AGXT: variants seen among roughly 807,000 people sequenced by gnomAD.
AGXT encodes the protein alanine--glyoxylate aminotransferase, also known as L-alanine: glyoxylate aminotransferase 1.
AGXT carries 41 observed loss-of-function variants against 46.9 expected under a neutral mutation model. The ratio of observed to expected loss-of-function variants is 0.88; its 90% CI spans 0.68 to 1.14. The LOEUF is 1.14. Ranked by LOEUF, AGXT falls within the 50% of genes most tolerant of loss-of-function variation. AGXT has a pLI of 0.00. For synonymous variants in AGXT, 244 were observed against 227.9 expected, an observed-to-expected ratio of 1.07 and a Z score of -0.64; for missense variants, 525 against 522.7, an observed-to-expected ratio of 1.00 and a Z score of -0.04.
chr2:240,872,724 C>T (rs2058998885), intron 4 of AGXT, among the ~76,000 whole-genome samples: 1 of 152,078 alleles, frequency 6.6e-6, no homozygotes, highest in African/African-American at 2.4e-5. Context: ...CTGGGTCTCA[C>T]CAGGGCCGTG....
chr2:240,870,792 C>A, intron 3 of AGXT, 84 bp downstream of exon 3: 1 of 1,363,108 alleles, frequency 7.3e-7, no homozygotes, highest in Non-Finnish European at 1.0e-6. Flanking sequence ...ATTGGCCAGC[C>A]AGCAGGGTGG....
intron 7 of AGXT, among the ~76,000 whole-genome samples, chr2:240,875,407 C>T (rs1178347880): frequency 6.6e-6 from 1 of 152,240 alleles, no homozygotes; most frequent in East Asian, 1.9e-4. Flanking sequence ...GCCCGAGGCT[C>T]TGGGCAGGGT....
At chr2:240,872,865 G>T in intron 4 of AGXT, 114 bp from the exon 5 acceptor site, 2 of 908,506 alleles carry the variant, frequency 2.2e-6, no homozygotes, top group African/African-American at 1.6e-5. Flanking sequence ...GGTGGGAGGT[G>T]CCCTGCCTTC....
chr2:240,874,320 A>T (rs2059010777), intron 6 of AGXT, among the ~76,000 whole-genome samples: 1 of 152,180 alleles, frequency 6.6e-6, no homozygotes, highest in African/African-American at 2.4e-5. Context: ...CACAGCAAGG[A>T]GTGACCAGGA....
rs115057148 is a variant in AGXT at position 240,878,055 on chromosome 2, G to A, written c.976G>A (p.Val326Ile). 1,104 of 1,612,930 alleles carry A rather than the reference G, an allele frequency of 6.8e-4. 4 individuals carry two copies. In the African/African-American group the frequency reaches 0.013, roughly 19 times the overall value. ...LRLPTVTTVA[V>I]PAGYDWRDIV... is the part of the protein sequence containing the mutation. ...GCTTCCCACAGTCACCACTGTGGCT[G>A]TACCCGCTGGCTATGACTGGAGAGA... The change falls in exon 10 of 11, where the codon GTA becomes ATA. Residue 326 changes from valine to isoleucine, a missense_variant. Val to Ile is a conservative substitution (Grantham distance 29). Coordinates refer to ENST00000307503, the MANE Select transcript of AGXT (RefSeq NM_000030.3).
chr2:240,877,530 C>T lies in AGXT; in HGVS notation c.847-7C>T, dbSNP rs1276010178. On this transcript the variant is annotated splice_region_variant and splice_polypyrimidine_tract_variant and intron_variant, in intron 8 of 10. Coordinates refer to ENST00000307503, the MANE Select transcript of AGXT (RefSeq NM_000030.3). Reference sequence around the variant, plus strand: ...GTCACTGCCCACCAGCGCCATCTCCCACACAGGGCCTGGAGAACAGCTGGC... The same window carrying T: ...GTCACTGCCCACCAGCGCCATCTCCTACACAGGGCCTGGAGAACAGCTGGC... 1 of 1,545,298 alleles carries T rather than the reference C, an allele frequency of 6.5e-7. No homozygotes were observed. The highest frequency in any genetic ancestry group is 8.7e-7 in the Non-Finnish European group (1 of 1,143,286).
intron 7 of AGXT, 90 bp downstream of exon 7, chr2:240,875,294 A>G: frequency 8.7e-7 from 1 of 1,149,062 alleles, no homozygotes; most frequent in Non-Finnish European, 1.3e-6. Context: ...GGGATTCTCC[A>G]AGCCCCCCAC....
rs567711382 is a variant in AGXT at position 240,870,469 on chromosome 2, C to G, written c.359-175C>G. 2.0e-5 allele frequency among the ~76,000 whole-genome samples: 3 copies of G among 152,292 alleles called. No individual in the cohort carries two copies. The East Asian group carries it at 5.8e-4, about 30-fold the overall frequency. On this transcript the variant is annotated intron_variant, in intron 2 of 10. Transcript: ENST00000307503. ...GGGTCAAGATGGCCCTGGCTCTACA[C>G]ACAGAGAGGCTCTCATTGGGCAGAG...
At chr2:240,869,531 G>A (rs1477387253) in intron 2 of AGXT, among the ~76,000 whole-genome samples, 169 bp downstream of exon 2, 2 of 152,176 alleles carry the variant, frequency 1.3e-5, no homozygotes, top group East Asian at 1.9e-4. Context: ...AGGCGGTGTC[G>A]GGCACTCATG....
rs12997245 is a variant in AGXT, at chr2:240,873,149, G to A, written c.595+100G>A. On this transcript the variant is annotated intron_variant, in intron 5 of 10. Transcript: ENST00000307503. ...GCGTGCGTCCAGCAGCCGATGCTGC[G>A]GATTCGGCCCCATCTCCACCAGGCC... The A allele has an allele frequency of 0.36, 384,799 of 1,063,922 alleles. 71,167 individuals are homozygous for A. Among genetic ancestry groups the A allele is most frequent in the Non-Finnish European group, 0.39 (271,980 of 702,692 alleles). 65.9% of individuals were successfully genotyped at this position (1,063,922 alleles called of 1,614,324 possible). A position where few individuals can be genotyped will look rare whatever the true frequency, so the allele number is the denominator to read the frequency against.
chr2:240,869,375 C>T lies in AGXT; in HGVS notation c.358+13C>T, dbSNP rs34995778. 283,690 of 1,565,884 alleles carry T rather than the reference C, an allele frequency of 0.18. 28,390 individuals carry two copies. Among genetic ancestry groups the T allele is most frequent in the Non-Finnish European group, 0.21 (237,408 of 1,153,896 alleles). On this transcript the variant is annotated intron_variant, in intron 2 of 10. Transcript: ENST00000307503. Reference sequence around the variant, plus strand: ...GGGGAGCGCATAGGTAAGGGAGAGGCCCAGGTGGGGATGGCCCTGGATCCA... The same window carrying T: ...GGGGAGCGCATAGGTAAGGGAGAGGTCCAGGTGGGGATGGCCCTGGATCCA...
At chr2:240,873,593 C>T (rs1037957933) in intron 5 of AGXT, 7 of 311,016 alleles carry the variant, frequency 2.3e-5, no homozygotes, top group African/African-American at 1.5e-4. Flanking sequence ...TCCATGGGAG[C>T]CTGTCTGTTT....
chr2:240,876,089 G>A, intron 8 of AGXT, 85 bp downstream of exon 8: 1 of 1,470,590 alleles, frequency 6.8e-7, no homozygotes, highest in Non-Finnish European at 9.4e-7. Context: ...AACCATCCCT[G>A]GTGCACAGAG....
chr2:240,869,255 G>C lies in AGXT; in HGVS notation c.251G>C (p.Cys84Ser). The C allele has an allele frequency of 6.2e-7, 1 of 1,613,874 alleles. No homozygotes were observed. Among genetic ancestry groups the C allele is most frequent in the Non-Finnish European group, 8.5e-7 (1 of 1,180,026 alleles). ...CTGGTCATCTCTGGCTCGGGACACT[G>C]TGCCCTGGAGGCCGCCCTGGTCAAT... The part of the protein sequence containing the change: ...LTLVISGSGH[C>S]ALEAALVNVL... Residue 84 changes from cysteine to serine, a missense_variant, in exon 2 of 11, where the codon TGT (cysteine) becomes TCT (serine). Cys to Ser is a moderately radical substitution (Grantham distance 112). Transcript: ENST00000307503.
At chr2:240,870,801 G>A (rs912550522) in intron 3 of AGXT, 93 bp downstream of exon 3, 13 of 1,284,530 alleles carry the variant, frequency 1.0e-5, no homozygotes, top group Non-Finnish European at 1.2e-5. Flanking sequence ...CCAGCAGGGT[G>A]GGATCATGGC....
chr2:240,876,029 G>A, intron 8 of AGXT, 25 bp downstream of exon 8: 2 of 1,612,316 alleles, frequency 1.2e-6, no homozygotes, highest in Non-Finnish European at 1.7e-6. Context: ...CTCCACAGGA[G>A]GAGACAGGGC....
intron 10 of AGXT, among the ~76,000 whole-genome samples, chr2:240,878,393 T>C (rs753948984): frequency 4.7e-4 from 72 of 152,200 alleles, no homozygotes; most frequent in African/African-American, 1.4e-3. Flanking sequence ...ACATCCTTCC[T>C]TCCCTCTGAC....
intron 4 of AGXT, among the ~76,000 whole-genome samples, chr2:240,872,105 G>A (rs1328878273): frequency 1.3e-5 from 2 of 152,242 alleles, no homozygotes; most frequent in Non-Finnish European, 2.9e-5. Context: ...GATACTTTCT[G>A]TGTCTCTTTT....
At chr2:240,878,660 G>T (rs1225423817) in intron 10 of AGXT, 54 bp from the exon 11 acceptor site, 4 of 1,504,988 alleles carry the variant, frequency 2.7e-6, no homozygotes, top group Non-Finnish European at 3.6e-6. Context: ...TGTCGGTCAG[G>T]GTCAGGCAGG....
Sources: allele counts gnomAD v4.1 joint callset (sites outside exome capture counted in the v4.1 genomes callset), GRCh38; gene constraint gnomAD v4.1.1; transcripts MANE v1.5; gene names NCBI Gene and HGNC (gene_info 2026-07-23, HGNC 2026-07-21).